MAP3K5: variants seen among roughly 807,000 people sequenced by gnomAD.
MAP3K5 encodes mitogen-activated protein kinase kinase kinase 5.
In MAP3K5, 56 loss-of-function variants were observed where a neutral mutation model predicts 158.7. The ratio of observed to expected loss-of-function variants is 0.35; its 90% CI spans 0.28 to 0.44. MAP3K5 has a LOEUF of 0.44. Among genes scored for constraint, MAP3K5 ranks in the 20% least tolerant of loss-of-function variants. The probability of loss-of-function intolerance (pLI) is 1.00; values close to 1 mark genes in which losing one functional copy is unlikely to be tolerated. For missense variants in MAP3K5, 1,294 were observed against 1,674.8 expected, an observed-to-expected ratio of 0.77 and a Z score of 3.97; for synonymous variants, 579 against 601.7, an observed-to-expected ratio of 0.96 and a Z score of 0.55.
chr6:136,726,333 C>T (rs1218423480), intron 1 of MAP3K5, among the ~76,000 whole-genome samples: 1 of 152,164 alleles, frequency 6.6e-6, no homozygotes, highest in Non-Finnish European at 1.5e-5. Flanking sequence ...AATATCTCAC[C>T]TGTAATCTCA....
chr6:136,560,433 C>T lies in MAP3K5; in HGVS notation c.3987+1100G>A, dbSNP rs149621732. Among the ~76,000 whole-genome samples, 6 of 152,080 alleles carry T rather than the reference C, an allele frequency of 3.9e-5. No homozygotes were observed. In the East Asian group the frequency reaches 1.2e-3, roughly 29 times the overall value. On this transcript the variant is annotated intron_variant, in intron 28 of 29. Coordinates refer to ENST00000359015, the MANE Select transcript of MAP3K5 (RefSeq NM_005923.4). ...GGCAAAGATTGCAGTGAGCTGAGAT[C>T]GCACCACAGCATTGCAGCCTGGGCG...
chr6:136,600,900 G>T, intron 21 of MAP3K5, 122 bp downstream of exon 21: 1 of 958,452 alleles, frequency 1.0e-6, no homozygotes. Context: ...ATCTAGTACC[G>T]CACCCTCCTT....
rs1219917822 is a variant in MAP3K5, at chr6:136,769,760, GAA to G, written c.448+21948_448+21949del. ...GAAGGGAAGGAAGGAAGGAAGGAAG[GAA>G]GGAAGGAAGGAAGGAAGGAAGGAAG... On this transcript the variant is annotated intron_variant, in intron 1 of 29. Transcript: ENST00000359015. Among the ~76,000 whole-genome samples the G allele has an allele frequency of 4.9e-3, 165 of 33,638 alleles. 1 individual carries two copies. The highest frequency in any genetic ancestry group is 0.024 in the African/African-American group (157 of 6,540). 22.1% of individuals were successfully genotyped at this position (33,638 alleles called of 152,430 possible).
At chr6:136,564,289 C>T (rs1249426831) in intron 26 of MAP3K5, among the ~76,000 whole-genome samples, 1 of 152,142 alleles carries the variant, frequency 6.6e-6, no homozygotes, top group Admixed American at 6.5e-5. Context: ...GAGAAGGGAT[C>T]ACAGCAGAGT....
intron 7 of MAP3K5, among the ~76,000 whole-genome samples, chr6:136,671,142 AT>A (rs1208890873): frequency 6.6e-6 from 1 of 152,204 alleles, no homozygotes; most frequent in Admixed American, 6.5e-5. Flanking sequence ...CATTAAATAC[AT>A]TATGGCATTT....
chr6:136,656,596 A>C (rs1778759153), intron 9 of MAP3K5, 136 bp from the exon 10 acceptor site: 1 of 582,414 alleles, frequency 1.7e-6, no homozygotes. Flanking sequence ...GTTATTCGTT[A>C]TTTGTTGCAT....
In MAP3K5 at chr6:136,613,628, T is replaced by C. The variant is rs1473680734; in HGVS notation, c.2279-372A>G. On this transcript the variant is annotated intron_variant, in intron 16 of 29. Coordinates refer to ENST00000359015, the MANE Select transcript of MAP3K5 (RefSeq NM_005923.4). The surrounding 1 kb of genome is among the most constrained non-coding windows in gnomAD (Gnocchi z 4.0). ...GAATGTGACTTTGTGGCCTGAGTCA[T>C]ATAGCATTCAGTTGTAACTTCTGAT... Among the ~76,000 whole-genome samples, 1 of 152,188 alleles carries C rather than the reference T, an allele frequency of 6.6e-6. No individual in the cohort carries two copies. Among genetic ancestry groups the C allele is most frequent in the Non-Finnish European group, 1.5e-5 (1 of 68,032 alleles).
At position 136,609,702 on chromosome 6, in the gene MAP3K5, G is replaced by A. The variant is rs1394725219; in HGVS notation, c.2521+1580C>T. Among the ~76,000 whole-genome samples the A allele has an allele frequency of 6.6e-6, 1 of 151,900 alleles. No individual in the cohort carries two copies. The highest frequency in any genetic ancestry group is 2.4e-5 in the African/African-American group (1 of 41,334). ...CCAGCTACTAGGGAGGCTGAGGTAG[G>A]AGAATCACTTGAGCCCGGGGTAGGG... On this transcript the variant is annotated intron_variant, in intron 18 of 29. Transcript: ENST00000359015. The surrounding 1 kb of genome is among the most constrained non-coding windows in gnomAD (Gnocchi z 4.4).
At chr6:136,638,338 G>A (rs1777749734) in intron 13 of MAP3K5, among the ~76,000 whole-genome samples, 1 of 152,132 alleles carries the variant, frequency 6.6e-6, no homozygotes, top group Non-Finnish European at 1.5e-5. Context: ...CTCGACAGTG[G>A]GATGGGAGCA....
rs111848449 is a variant in MAP3K5 at position 136,680,464 on chromosome 6, A to G, written c.1254-11069T>C. On this transcript the variant is annotated intron_variant, in intron 7 of 29. Coordinates refer to ENST00000359015, the MANE Select transcript of MAP3K5 (RefSeq NM_005923.4). The stretch of plus-strand genomic sequence containing the variant: ...ATTTCTTCCAATTTTTTGTTACCAT[A>G]AAGTTCAGTGTCATGAACACCATTG... Among the ~76,000 whole-genome samples the G allele has an allele frequency of 1.5e-3, 224 of 152,372 alleles. 4 individuals carry two copies. Among genetic ancestry groups the G allele is most frequent in the African/African-American group, 4.9e-3 (205 of 41,590 alleles).
chr6:136,659,818 G>A (rs560529743), intron 8 of MAP3K5, among the ~76,000 whole-genome samples: 6 of 152,308 alleles, frequency 3.9e-5, no homozygotes, highest in East Asian at 3.9e-4. Flanking sequence ...GTAACAGTGC[G>A]AATGTTCTTA....
chr6:136,683,648 T>A (rs913345366), intron 7 of MAP3K5, among the ~76,000 whole-genome samples: 5 of 152,232 alleles, frequency 3.3e-5, no homozygotes, highest in African/African-American at 1.2e-4. Flanking sequence ...TAATTTTTTT[T>A]AAGTAATAAA....
chr6:136,666,978 CAT>C (rs751435867), intron 8 of MAP3K5, among the ~76,000 whole-genome samples: 19 of 152,260 alleles, frequency 1.2e-4, no homozygotes, highest in African/African-American at 3.8e-4. Context: ...AAAAAATTAA[CAT>C]GTTTCTTTTA....
intron 8 of MAP3K5, among the ~76,000 whole-genome samples, chr6:136,660,080 CCTT>C (rs766748823): frequency 5.3e-5 from 8 of 152,210 alleles, no homozygotes; most frequent in East Asian, 1.9e-4. Flanking sequence ...TGTTATGTAA[CCTT>C]CTTCTTTGTC....
chr6:136,673,193 A>G (rs1779558371), intron 7 of MAP3K5, among the ~76,000 whole-genome samples: 1 of 152,142 alleles, frequency 6.6e-6, no homozygotes, highest in Non-Finnish European at 1.5e-5. Flanking sequence ...AGAAACAGAT[A>G]AGGTCAATGA....
At chr6:136,724,861 C>T (rs543345714) in intron 1 of MAP3K5, among the ~76,000 whole-genome samples, 2 of 152,220 alleles carry the variant, frequency 1.3e-5, no homozygotes, top group South Asian at 4.2e-4. Context: ...TGCGTACATA[C>T]CACCATAGTC....
chr6:136,567,813 ATCCAAG>A lies in MAP3K5; in HGVS notation c.3573_3578del (p.Leu1192_Asp1193del). ...GCTGTTCCTCATGGTCATCTTCTAC[ATCCAAG>A]TCTTCTTGATCAGCAGTATCACTCT... is the stretch of plus-strand genomic sequence containing the variant. On this transcript the variant is annotated inframe_deletion, in exon 26 of 30. Transcript: ENST00000359015. 6.8e-6 allele frequency: 11 copies of A among 1,614,126 alleles called. No homozygotes were observed. Among genetic ancestry groups the A allele is most frequent in the Non-Finnish European group, 9.3e-6 (11 of 1,180,014 alleles).
chr6:136,715,533 T>C (rs73558288), intron 2 of MAP3K5, among the ~76,000 whole-genome samples: 187 of 152,306 alleles, frequency 1.2e-3, no homozygotes, highest in African/African-American at 4.5e-3. Flanking sequence ...CTGAATGTTG[T>C]TTATAATTCC....
chr6:136,758,891 G>T (rs1464368705), intron 1 of MAP3K5, among the ~76,000 whole-genome samples: 2 of 152,106 alleles, frequency 1.3e-5, no homozygotes, highest in East Asian at 3.8e-4. Flanking sequence ...ATAGACTTTT[G>T]GCCAGGCATG....
Sources: gnomAD v4.1 joint callset for allele counts (sites outside exome capture counted in the v4.1 genomes callset) on GRCh38, gnomAD v4.1.1 for gene constraint, Gnocchi (gnomAD v3.1) non-coding constraint, MANE v1.5 for transcripts, NCBI Gene and HGNC (gene_info 2026-07-23, HGNC 2026-07-21) for gene names.